NRXN1: variants seen among roughly 807,000 people sequenced by gnomAD.
NRXN1 encodes the protein neurexin 1.
A neutral mutation model predicts 150.9 loss-of-function variants in NRXN1; 39 were observed. The ratio of observed to expected loss-of-function variants is 0.26; its 90% CI spans 0.20 to 0.34. The LOEUF is 0.34. NRXN1 is among the 10% of genes least tolerant of loss of function. The pLI is 1.00. For synonymous variants in NRXN1, 924 were observed against 757.0 expected, an observed-to-expected ratio of 1.22 and a Z score of -3.62; for missense variants, 1,815 against 1,949.9, an observed-to-expected ratio of 0.93 and a Z score of 1.30.
chr2:50,315,171 T>C (rs2075495718), intron 17 of NRXN1, among the ~76,000 whole-genome samples: 1 of 151,810 alleles, frequency 6.6e-6, no homozygotes, highest in Admixed American at 6.6e-5. Context: ...ATATGTGAGC[T>C]TTTTTTTCCC....
chr2:50,016,058 A>G (rs556085972), intron 21 of NRXN1, among the ~76,000 whole-genome samples: 9 of 152,274 alleles, frequency 5.9e-5, no homozygotes, highest in Non-Finnish European at 1.3e-4. Flanking sequence ...GCTTTGTAGA[A>G]CATGAAAAAA....
At chr2:50,051,922 G>A (rs1197200551) in intron 21 of NRXN1, among the ~76,000 whole-genome samples, 1 of 152,048 alleles carries the variant, frequency 6.6e-6, no homozygotes, top group African/African-American at 2.4e-5. Flanking sequence ...AAAGAAAAGA[G>A]AGAAAAATGA....
chr2:50,947,832 A>G (rs1452194555), intron 2 of NRXN1, among the ~76,000 whole-genome samples: 1 of 151,990 alleles, frequency 6.6e-6, no homozygotes, highest in African/African-American at 2.4e-5. Context: ...ACACTTGCAA[A>G]TTTTTTCACA....
At chr2:50,195,302 T>C (rs1228002445) in intron 18 of NRXN1, among the ~76,000 whole-genome samples, 7 of 152,174 alleles carry the variant, frequency 4.6e-5, no homozygotes, top group Non-Finnish European at 1.0e-4. Context: ...GTCCACAGCA[T>C]CATGTTTAAA....
chr2:50,844,724 G>A (rs924331922), intron 5 of NRXN1, among the ~76,000 whole-genome samples: 14 of 152,158 alleles, frequency 9.2e-5, no homozygotes, highest in South Asian at 2.1e-4. Flanking sequence ...TAGTCGGTTC[G>A]TCATTCCTCA....
chr2:50,467,109 T>A (rs1413593692), intron 16 of NRXN1, among the ~76,000 whole-genome samples: 2 of 151,774 alleles, frequency 1.3e-5, no homozygotes, highest in Non-Finnish European at 2.9e-5. Context: ...TAAAGGAATT[T>A]TCTGAATAAA....
chr2:50,756,519 T>C (rs1559216889), intron 5 of NRXN1, among the ~76,000 whole-genome samples: 1 of 151,844 alleles, frequency 6.6e-6, no homozygotes, highest in Non-Finnish European at 1.5e-5. Flanking sequence ...TTACCCTTTG[T>C]TCTAGCAATT....
At chr2:49,998,169 G>T (rs1683300117) in intron 21 of NRXN1, among the ~76,000 whole-genome samples, 1 of 152,148 alleles carries the variant, frequency 6.6e-6, no homozygotes, top group South Asian at 2.1e-4. Context: ...AGGGAGGAAA[G>T]AATTAAAACT....
At position 50,874,858 on chromosome 2, in the gene NRXN1, A is replaced by G. The variant is rs541920799; in HGVS notation, c.832+47011T>C. On this transcript the variant is annotated intron_variant, in intron 5 of 22. Transcript: ENST00000401669. ...ATATTTTTATATACTACGTTGAGAA[A>G]TGGGAATTCCTGTCAAATGTATCTT... Among the ~76,000 whole-genome samples the G allele has an allele frequency of 2.0e-5, 3 of 151,898 alleles. No individual in the cohort carries two copies. In the East Asian group the frequency reaches 5.9e-4, roughly 30 times the overall value.
chr2:49,944,765 A>G (rs1428920983), intron 21 of NRXN1, among the ~76,000 whole-genome samples: 2 of 151,394 alleles, frequency 1.3e-5, no homozygotes, highest in African/African-American at 4.9e-5. Flanking sequence ...ATCTCATTAC[A>G]TCTACTAAGG....
At chr2:51,025,711 T>C (rs1028731484) in intron 2 of NRXN1, among the ~76,000 whole-genome samples, 1 of 152,192 alleles carries the variant, frequency 6.6e-6, no homozygotes, top group Non-Finnish European at 1.5e-5. Context: ...GTATGGAAAT[T>C]ATCATATCTA....
chr2:50,063,687 C>T (rs1021307055), intron 19 of NRXN1, among the ~76,000 whole-genome samples: 3 of 152,042 alleles, frequency 2.0e-5, no homozygotes, highest in Non-Finnish European at 4.4e-5. Flanking sequence ...AATTATTCTA[C>T]TTAATGAATT....
At chr2:50,062,661 G>A (rs1368490822) in intron 19 of NRXN1, among the ~76,000 whole-genome samples, 1 of 152,038 alleles carries the variant, frequency 6.6e-6, no homozygotes, top group African/African-American at 2.4e-5. Flanking sequence ...TTCATGGTGT[G>A]ACTCAGAGAA....
chr2:49,956,527 C>T (rs1424659522), intron 21 of NRXN1, among the ~76,000 whole-genome samples: 1 of 151,992 alleles, frequency 6.6e-6, no homozygotes, highest in Non-Finnish European at 1.5e-5. Context: ...CTTCCTATTT[C>T]ATTCATGGTG....
chr2:50,521,344 T>C (rs1295661473), intron 12 of NRXN1, among the ~76,000 whole-genome samples: 2 of 152,276 alleles, frequency 1.3e-5, no homozygotes, highest in East Asian at 3.9e-4. Flanking sequence ...TCCTGGGAAG[T>C]GCAGTTGGAG....
chr2:50,044,244 T>C (rs1691459522), intron 21 of NRXN1, among the ~76,000 whole-genome samples: 1 of 152,194 alleles, frequency 6.6e-6, no homozygotes, highest in African/African-American at 2.4e-5. Context: ...TATAATTTAT[T>C]CCATGTAAAG....
chr2:50,925,088 A>C (rs550051873), intron 3 of NRXN1, among the ~76,000 whole-genome samples: 12 of 152,012 alleles, frequency 7.9e-5, no homozygotes, highest in African/African-American at 2.4e-4. Context: ...AATGCTGTGA[A>C]TATATAAGTT....
intron 22 of NRXN1, chr2:49,926,425 GT>G (rs973025756): frequency 7.5e-6 from 3 of 398,162 alleles, no homozygotes; most frequent in African/African-American, 2.1e-5. Context: ...GAATCTTCTT[GT>G]TTTTTGTTGT....
At chr2:50,506,356 A>G in intron 13 of NRXN1, 139 bp downstream of exon 13, 1 of 667,864 alleles carries the variant, frequency 1.5e-6, no homozygotes, top group Non-Finnish European at 2.3e-6. Flanking sequence ...TAAAATAGTT[A>G]CTAGAAAAAA....
Sources: gnomAD v4.1 joint callset for allele counts (sites outside exome capture counted in the v4.1 genomes callset) on GRCh38, gnomAD v4.1.1 for gene constraint, MANE v1.5 for transcripts, NCBI Gene and HGNC (gene_info 2026-07-23, HGNC 2026-07-21) for gene names.